The following CATSPERB variants were observed in gnomAD, a reference collection of about 807,000 sequenced individuals.
CATSPERB encodes the protein cation channel sperm-associated auxiliary subunit beta.
In CATSPERB, 93 loss-of-function variants were observed where a neutral mutation model predicts 128.3. The ratio of observed to expected loss-of-function variants is 0.72; its 90% CI spans 0.61 to 0.86. The LOEUF is 0.86. Among genes scored for constraint, CATSPERB ranks in the 40% least tolerant of loss-of-function variants. CATSPERB has a pLI of 0.00. For synonymous variants in CATSPERB, 381 were observed against 448.8 expected (o/e 0.85, Z 1.91); for missense variants, 1,153 against 1,329.5 (o/e 0.87, Z 2.06).
chr14:91,633,438 A>G (rs545385824), intron 17 of CATSPERB, among the ~76,000 whole-genome samples: 16 of 152,276 alleles, frequency 1.1e-4, no homozygotes, highest in African/African-American at 3.6e-4. Flanking sequence ...AAAGAAAACA[A>G]TTGTCTATGA....
At chr14:91,622,410 G>T (rs1187643016) in intron 18 of CATSPERB, among the ~76,000 whole-genome samples, 3 of 152,126 alleles carry the variant, frequency 2.0e-5, no homozygotes, top group African/African-American at 7.2e-5. Context: ...AAGAAAAGAG[G>T]TTCTTGGGCA....
chr14:91,687,421 C>T (rs1895394142), intron 10 of CATSPERB, among the ~76,000 whole-genome samples: 1 of 152,046 alleles, frequency 6.6e-6, no homozygotes, highest in South Asian at 2.1e-4. Context: ...AATTAGTCCT[C>T]TTATAAAAGA....
chr14:91,625,304 G>A (rs1894138634), intron 17 of CATSPERB, among the ~76,000 whole-genome samples: 1 of 152,066 alleles, frequency 6.6e-6, no homozygotes, highest in Non-Finnish European at 1.5e-5. Flanking sequence ...TAGCTTCCTG[G>A]AAAGCAATTT....
At chr14:91,584,045 G>A (rs1893253683) in intron 26 of CATSPERB, among the ~76,000 whole-genome samples, 1 of 151,964 alleles carries the variant, frequency 6.6e-6, no homozygotes, top group Non-Finnish European at 1.5e-5. Flanking sequence ...ACCAGGTCTG[G>A]CTATTTCAGG....
At chr14:91,720,458 A>C (rs1361407538) in intron 4 of CATSPERB, among the ~76,000 whole-genome samples, 2 of 151,652 alleles carry the variant, frequency 1.3e-5, no homozygotes, top group Non-Finnish European at 2.9e-5. Context: ...AACAATCTGA[A>C]AATGATATTA....
At chr14:91,637,184 A>C (rs1894392134) in intron 16 of CATSPERB, among the ~76,000 whole-genome samples, 1 of 151,990 alleles carries the variant, frequency 6.6e-6, no homozygotes, top group Non-Finnish European at 1.5e-5. Context: ...GAGAGAAGAG[A>C]GGTAGGGACC....
chr14:91,707,386 T>C (rs1204822823), intron 6 of CATSPERB, among the ~76,000 whole-genome samples: 2 of 152,158 alleles, frequency 1.3e-5, no homozygotes, highest in African/African-American at 4.8e-5. Context: ...AAAAGTAGCA[T>C]AGGATATCAA....
At chr14:91,621,525 C>T in intron 19 of CATSPERB, 83 bp downstream of exon 19, 1 of 1,103,266 alleles carries the variant, frequency 9.1e-7, no homozygotes, top group Non-Finnish European at 1.3e-6. Context: ...AGGATAAAGT[C>T]AGTCAGTATC....
intron 10 of CATSPERB, among the ~76,000 whole-genome samples, chr14:91,686,038 G>A (rs76440593): frequency 0.038 from 5,852 of 152,144 alleles, 165 homozygotes; most frequent in East Asian, 0.12. Flanking sequence ...CCTTTGACTG[G>A]AAATGCTGTG....
intron 7 of CATSPERB, 59 bp from the exon 8 acceptor site, chr14:91,693,538 A>G (rs551726910): frequency 4.0e-6 from 5 of 1,241,282 alleles, no homozygotes; most frequent in Non-Finnish European, 5.9e-6. Flanking sequence ...AGTCACCTTC[A>G]GGGGCAAGAG....
In CATSPERB at chr14:91,659,915, TTATGA is replaced by T; in HGVS notation, c.1349_1353del (p.Ile450LysfsTer6). 6.2e-7 allele frequency: 1 copy of T among 1,604,364 alleles called. No individual in the cohort carries two copies. The highest frequency in any genetic ancestry group is 8.5e-7 in the Non-Finnish European group (1 of 1,177,434). ...GTATAAAAACTATGAAAAGTCTTCT[TTATGA>T]TATCATCATGAAAGTTAGCTATTAA... On this transcript the variant is annotated frameshift_variant, in exon 15 of 27. Transcript: ENST00000256343. LOFTEE classifies it high-confidence loss of function.
At chr14:91,680,165 G>T (rs1400026772) in intron 11 of CATSPERB, among the ~76,000 whole-genome samples, 4 of 152,094 alleles carry the variant, frequency 2.6e-5, no homozygotes, top group African/African-American at 9.7e-5. Flanking sequence ...TAAATGTTTA[G>T]CTACCTGTGA....
At chr14:91,663,932 C>A (rs867634889) in intron 14 of CATSPERB, among the ~76,000 whole-genome samples, 12 of 152,082 alleles carry the variant, frequency 7.9e-5, no homozygotes, top group African/African-American at 2.9e-4. Context: ...AACTGATGAA[C>A]CTACACTGAT....
At chr14:91,712,516 G>A (rs563701816) in intron 5 of CATSPERB, among the ~76,000 whole-genome samples, 55 of 152,270 alleles carry the variant, frequency 3.6e-4, no homozygotes, top group Non-Finnish European at 6.0e-4. Context: ...AAACTGTAAG[G>A]AGCATCCTCT....
intron 10 of CATSPERB, among the ~76,000 whole-genome samples, chr14:91,684,269 A>G (rs2139840026): frequency 6.6e-6 from 1 of 152,318 alleles, no homozygotes; most frequent in East Asian, 1.9e-4. Context: ...TGGGTCACAT[A>G]TTTATCTTTT....
chr14:91,663,805 CT>C (rs1390249902), intron 14 of CATSPERB, among the ~76,000 whole-genome samples: 1 of 151,986 alleles, frequency 6.6e-6, no homozygotes, highest in Non-Finnish European at 1.5e-5. Flanking sequence ...ATATCATAAA[CT>C]TTATCATGTT....
chr14:91,589,612 C>T lies in CATSPERB; in HGVS notation c.2878G>A (p.Glu960Lys), dbSNP rs780769189. The T allele has an allele frequency of 1.6e-5, 26 of 1,613,674 alleles. No individual in the cohort carries two copies. In the South Asian group the frequency reaches 1.9e-4, roughly 12 times the overall value. ...QYPVSLEIIN[E>K]DGRVPLQSPY... ...GATTGCAATGGGACACGTCCATCCT[C>T]GTTGATAATTTCCAAAGAAACTGGA... The change falls in exon 24 of 27, where the codon GAG becomes AAG. Residue 960 changes from glutamate to lysine, a missense_variant. Glu to Lys is a moderately conservative substitution (Grantham distance 56). Coordinates refer to ENST00000256343, the MANE Select transcript of CATSPERB (RefSeq NM_024764.4).
At chr14:91,601,479 T>A (rs1254138245) in intron 22 of CATSPERB, among the ~76,000 whole-genome samples, 1 of 152,144 alleles carries the variant, frequency 6.6e-6, no homozygotes, top group Admixed American at 6.5e-5. Context: ...AATGAATATA[T>A]ATGGTAAATT....
intron 15 of CATSPERB, among the ~76,000 whole-genome samples, chr14:91,644,525 G>A (rs1449047420): frequency 1.6e-5 from 2 of 123,322 alleles, no homozygotes; most frequent in Non-Finnish European, 3.4e-5. Flanking sequence ...CTTTAAGAAT[G>A]TTGAATATTG....
Sources: gnomAD v4.1 joint callset for allele counts (sites outside exome capture counted in the v4.1 genomes callset) on GRCh38, gnomAD v4.1.1 for gene constraint, MANE v1.5 for transcripts, NCBI Gene and HGNC (gene_info 2026-07-23, HGNC 2026-07-21) for gene names.